Variants in KIF20B observed in about 807,000 individuals in gnomAD.
KIF20B encodes kinesin-like protein KIF20B.
A neutral mutation model predicts 232.5 loss-of-function variants in KIF20B; 188 were observed. The ratio of observed to expected loss-of-function variants is 0.81; its 90% confidence interval spans 0.72 to 0.91. KIF20B has a LOEUF of 0.91. Among genes scored for constraint, KIF20B ranks in the 40% least tolerant of loss-of-function variants. KIF20B has a pLI of 0.00. For synonymous variants in KIF20B, 712 were observed against 683.0 expected, an observed-to-expected ratio of 1.04 and a Z score of -0.66; for missense variants, 2,154 against 2,055.9, an observed-to-expected ratio of 1.05 and a Z score of -0.92.
chr10:89,715,205 C>G (rs779966945), intron 8 of KIF20B, 23 bp downstream of exon 8: 1 of 1,434,474 alleles, frequency 7.0e-7, no homozygotes, highest in Admixed American at 1.9e-5. Context: ...ATATTTTTAT[C>G]TTATTGCTCT....
chr10:89,724,128 G>A, intron 14 of KIF20B, 25 bp downstream of exon 14: 1 of 1,430,078 alleles, frequency 7.0e-7, no homozygotes, highest in Non-Finnish European at 9.2e-7. Flanking sequence ...TCATGTCCAG[G>A]TAAAAATTGA....
At chr10:89,703,737 G>C (rs1287243698) in intron 1 of KIF20B, among the ~76,000 whole-genome samples, 2 of 148,364 alleles carry the variant, frequency 1.3e-5, no homozygotes, top group Admixed American at 6.8e-5. Flanking sequence ...TGACTTTGGC[G>C]CCCCAGCAGG....
At chr10:89,760,753 G>A (rs770739667) in intron 28 of KIF20B, 117 bp downstream of exon 28, 1 of 615,050 alleles carries the variant, frequency 1.6e-6, no homozygotes, top group African/African-American at 1.9e-5. Context: ...GTGTGCTCTG[G>A]GCTGTGTGAA....
intron 22 of KIF20B, among the ~76,000 whole-genome samples, chr10:89,745,042 T>G (rs920404332): frequency 6.6e-6 from 1 of 152,150 alleles, no homozygotes; most frequent in African/African-American, 2.4e-5. Flanking sequence ...GTAAAAGGGG[T>G]GGAGAGCTCT....
chr10:89,738,717 C>A, intron 20 of KIF20B, 100 bp downstream of exon 20: 1 of 1,391,650 alleles, frequency 7.2e-7, no homozygotes, highest in East Asian at 2.5e-5. Context: ...TCTGGTAAAG[C>A]GTAGCATGTA....
At chr10:89,731,403 T>C (rs182388552) in intron 18 of KIF20B, among the ~76,000 whole-genome samples, 24 of 152,326 alleles carry the variant, frequency 1.6e-4, no homozygotes, top group Admixed American at 1.5e-3. Context: ...CTTAATACAG[T>C]GTGCTAAATT....
Position 89,709,494 on chromosome 10 carries a change from A to G in KIF20B, c.351+33A>G, listed in dbSNP as rs1842793961. 6.3e-6 allele frequency: 9 copies of G among 1,421,986 alleles called. No homozygotes were observed. In the East Asian group the frequency reaches 2.1e-4, roughly 32 times the overall value. The allele number at this position is 1,421,986 out of a possible 1,614,324, so 88.1% of individuals were successfully genotyped here. A position where few individuals can be genotyped will look rare whatever the true frequency, so the allele number is the denominator to read the frequency against. ...TGAAGTGTTTTTGTTTTTTGTTTTA[A>G]AGATAAAGAGACTTGGCTTAGGCTA... On this transcript the variant is annotated intron_variant, in intron 4 of 32. Coordinates refer to ENST00000371728, the MANE Select transcript of KIF20B (RefSeq NM_001284259.2).
At chr10:89,720,796 C>T (rs539875421) in intron 13 of KIF20B, among the ~76,000 whole-genome samples, 1 of 152,276 alleles carries the variant, frequency 6.6e-6, no homozygotes, top group East Asian at 1.9e-4. Flanking sequence ...ACCTCTGCCT[C>T]CTGGGTTCAA....
At chr10:89,742,499 A>G (rs1467959431) in intron 21 of KIF20B, among the ~76,000 whole-genome samples, 2 of 152,208 alleles carry the variant, frequency 1.3e-5, no homozygotes, top group South Asian at 2.1e-4. Flanking sequence ...TGTGCAGCAC[A>G]TAGCCTCTAT....
At position 89,724,772 on chromosome 10, in the gene KIF20B, AC is replaced by A. The variant is rs1223239459; in HGVS notation, c.1863-247del. Among the ~76,000 whole-genome samples the A allele has an allele frequency of 2.0e-5, 3 of 151,676 alleles. No homozygotes were observed. In the East Asian group the frequency reaches 5.8e-4, roughly 29 times the overall value. On this transcript the variant is annotated intron_variant, in intron 14 of 32. Coordinates refer to ENST00000371728, the MANE Select transcript of KIF20B (RefSeq NM_001284259.2). ...GCTGGGATTACAGGCACACACCACC[AC>A]GCCCAGCTAATTTTTGTGTTTTTAG...
intron 1 of KIF20B, among the ~76,000 whole-genome samples, chr10:89,704,849 A>G (rs1428914241): frequency 6.6e-6 from 1 of 152,194 alleles, no homozygotes; most frequent in Non-Finnish European, 1.5e-5. Flanking sequence ...GAGCCACCGC[A>G]CCAGACCCAG....
Position 89,752,622 on chromosome 10 carries a change from G to T in KIF20B, c.4278G>T (p.Arg1426Ser), listed in dbSNP as rs145617702. The T allele has an allele frequency of 6.2e-7, 1 of 1,605,374 alleles. No individual in the cohort carries two copies. The highest frequency in any genetic ancestry group is 2.3e-5 in the East Asian group (1 of 44,206). ...ATTTGGAAACCAAAAACAATCAAAG[G>T]TCAAATAAAGAACATGAGAACAACA... is the stretch of plus-strand genomic sequence containing the variant. ...CNDLETKNNQ[R>S]SNKEHENNTD... Residue 1426 changes from arginine to serine, a missense_variant, in exon 25 of 33, where the codon AGG (arginine) becomes AGT (serine). Arg to Ser is a moderately radical substitution (Grantham distance 110). Coordinates refer to ENST00000371728, the MANE Select transcript of KIF20B (RefSeq NM_001284259.2).
rs1842524777 is a variant in KIF20B at position 89,774,274 on chromosome 10, G to T, written c.*226G>T. 1 of 301,286 alleles carries T rather than the reference G, an allele frequency of 3.3e-6. No individual in the cohort carries two copies. Among genetic ancestry groups the T allele is most frequent in the East Asian group, 5.6e-5 (1 of 17,710 alleles). 18.7% of individuals were successfully genotyped at this position (301,286 alleles called of 1,614,324 possible). Reference sequence around the variant, plus strand: ...CAAACTGTATTTCCCTATTATCTCAGACATTGGATCAGTGAAGATCCTAGG... The same window carrying T: ...CAAACTGTATTTCCCTATTATCTCATACATTGGATCAGTGAAGATCCTAGG... On this transcript the variant is annotated 3_prime_UTR_variant, in exon 33 of 33. Coordinates refer to ENST00000371728, the MANE Select transcript of KIF20B (RefSeq NM_001284259.2).
chr10:89,760,075 C>T (rs1178302827), intron 27 of KIF20B, among the ~76,000 whole-genome samples: 3 of 152,096 alleles, frequency 2.0e-5, no homozygotes, highest in African/African-American at 4.8e-5. Flanking sequence ...CCTGAGAAGC[C>T]TCCAGTTTTT....
intron 14 of KIF20B, 40 bp from the exon 15 acceptor site, chr10:89,724,980 C>T (rs1450126034): frequency 5.7e-6 from 9 of 1,580,640 alleles, no homozygotes; most frequent in East Asian, 2.2e-5. Flanking sequence ...CAAAGTAGTT[C>T]GTTTTCTGTT....
intron 25 of KIF20B, among the ~76,000 whole-genome samples, chr10:89,754,231 C>T (rs1842076691): frequency 6.6e-6 from 1 of 151,644 alleles, no homozygotes; most frequent in African/African-American, 2.4e-5. Context: ...GTCAGTTTAA[C>T]TGTTTCAGAA....
chr10:89,759,969 G>A (rs1462836687), intron 27 of KIF20B, among the ~76,000 whole-genome samples: 3 of 152,124 alleles, frequency 2.0e-5, no homozygotes, highest in Admixed American at 2.0e-4. Context: ...TTTAGAAATA[G>A]AACTTTATGA....
At chr10:89,733,246 T>C in intron 19 of KIF20B, 190 bp downstream of exon 19, 1 of 503,908 alleles carries the variant, frequency 2.0e-6, no homozygotes, top group Non-Finnish European at 3.5e-6. Context: ...TTTATCTTAA[T>C]AAATATGCTT....
rs542286774 is a variant in KIF20B, at chr10:89,755,854, C to G, written c.4503+1181C>G. 2.7e-4 allele frequency among the ~76,000 whole-genome samples: 41 copies of G among 152,268 alleles called. No individual in the cohort carries two copies. The East Asian group carries it at 6.2e-3, about 23-fold the overall frequency. ...AGCAGTCCTCCTGCCTCAGCTTCCC[C>G]CAAGTGTTGGGATTATGGGTGTGAG... On this transcript the variant is annotated intron_variant, in intron 26 of 32. Coordinates refer to ENST00000371728, the MANE Select transcript of KIF20B (RefSeq NM_001284259.2).
Sources: allele counts gnomAD v4.1 joint callset (sites outside exome capture counted in the v4.1 genomes callset), GRCh38; gene constraint gnomAD v4.1.1; transcripts MANE v1.5; gene names NCBI Gene and HGNC (gene_info 2026-07-23, HGNC 2026-07-21).